The following SLC38A10 variants were observed in gnomAD, a reference collection of about 807,000 sequenced individuals.
The protein encoded by SLC38A10 is Sodium-coupled neutral amino acid transporter 10.
In SLC38A10, 53 loss-of-function variants were observed where a neutral mutation model predicts 81.0. The observed-to-expected ratio is 0.65, with a 90% confidence interval of 0.53 to 0.82. SLC38A10 has a LOEUF of 0.82. Ranked by LOEUF, SLC38A10 falls within the 40% of genes least tolerant of loss-of-function variation. The pLI, the probability that SLC38A10 is intolerant of heterozygous loss-of-function variation, is 0.00. For missense variants in SLC38A10, 1,471 were observed against 1,545.0 expected, an observed-to-expected ratio of 0.95 and a Z score of 0.80; for synonymous variants, 665 against 655.3, an observed-to-expected ratio of 1.01 and a Z score of -0.23.
Position 81,289,142 on chromosome 17 carries a change from G to A in SLC38A10, c.217+549C>T, listed in dbSNP as rs2063290762. On this transcript the variant is annotated intron_variant, in intron 2 of 15. Coordinates refer to ENST00000374759, the MANE Select transcript of SLC38A10 (RefSeq NM_001037984.3). The surrounding 1 kb of genome is among the most constrained non-coding windows in gnomAD (Gnocchi z 5.9). ...TGCAGCCTCCACCTATCGGGTTCAA[G>A]AGATTCTCTGGCCTCAGCCTCCTGA... Among the ~76,000 whole-genome samples, 1 of 152,130 alleles carries A rather than the reference G, an allele frequency of 6.6e-6. No homozygotes were observed. The highest frequency in any genetic ancestry group is 2.4e-5 in the African/African-American group (1 of 41,420).
chr17:81,260,352 C>G lies in SLC38A10; in HGVS notation c.1174G>C (p.Val392Leu). Reference sequence around the variant, plus strand: ...TCCTCGCTCACAGACAGTGTGGTGACAGTGCTCACCACCAGGACGCCCAGG... The same window carrying G: ...TCCTCGCTCACAGACAGTGTGGTGAGAGTGCTCACCACCAGGACGCCCAGG... ...VGLGVLVVST[V>L]TTLSVSEEVP... Residue 392 changes from valine (V) to leucine (L), a missense_variant, in exon 11 of 16, where the codon GTC becomes CTC. Coordinates refer to ENST00000374759, the MANE Select transcript of SLC38A10 (RefSeq NM_001037984.3). 1 of 1,611,072 alleles carries G rather than the reference C, an allele frequency of 6.2e-7. No homozygotes were observed. The highest frequency in any genetic ancestry group is 8.5e-7 in the Non-Finnish European group (1 of 1,179,266).
chr17:81,265,494 A>G lies in SLC38A10; in HGVS notation c.1132-5100T>C. 1 of 152,278 alleles carries G rather than the reference A, an allele frequency of 6.6e-6. No homozygotes were observed. Among genetic ancestry groups the G allele is most frequent in the Non-Finnish European group, 1.5e-5 (1 of 68,064 alleles). 9.4% of individuals were successfully genotyped at this position (152,278 alleles called of 1,614,324 possible). ...TGATCTTCTGAGGACGAGCTGGAAC[A>G]TTCCTTCTTTTTCACGTCTTTCTCC... On this transcript the variant is annotated intron_variant, in intron 10 of 15. Coordinates refer to ENST00000374759, the MANE Select transcript of SLC38A10 (RefSeq NM_001037984.3). This position sits in a 1 kb window ranked among gnomAD's most constrained non-coding sequence, Gnocchi z 4.2.
intron 13 of SLC38A10, chr17:81,251,977 T>C: frequency 1.4e-6 from 1 of 702,140 alleles, no homozygotes; most frequent in East Asian, 2.8e-5. Flanking sequence ...CATTTAGTGG[T>C]CTGGCAAACA....
At position 81,265,778 on chromosome 17, in the gene SLC38A10, T is replaced by G. The variant is rs2063064994; in HGVS notation, c.1131+5140A>C. ...CTTGCGGTGCTGACATCTCCGTACCTAAGGAAACAGGGCATGCTGAGCGGA... is the reference window on the plus strand; with the variant it reads ...CTTGCGGTGCTGACATCTCCGTACCGAAGGAAACAGGGCATGCTGAGCGGA... On this transcript the variant is annotated intron_variant, in intron 10 of 15. Transcript: ENST00000374759. The surrounding 1 kb of genome is among the most constrained non-coding windows in gnomAD (Gnocchi z 4.2). 6.6e-6 allele frequency among the ~76,000 whole-genome samples: 1 copy of G among 152,110 alleles called. No individual in the cohort carries two copies. The highest frequency in any genetic ancestry group is 6.5e-5 in the Admixed American group (1 of 15,284).
At chr17:81,254,131 C>G (rs2062951005) in intron 11 of SLC38A10, among the ~76,000 whole-genome samples, 1 of 152,252 alleles carries the variant, frequency 6.6e-6, no homozygotes, top group Non-Finnish European at 1.5e-5. Context: ...GGCCATATGT[C>G]CACTGAGACA....
intron 1 of SLC38A10, among the ~76,000 whole-genome samples, chr17:81,292,985 T>A (rs1320320753): frequency 6.6e-6 from 1 of 151,382 alleles, no homozygotes; most frequent in African/African-American, 2.4e-5. Flanking sequence ...CTCTACTAAA[T>A]ACAAATAAAT....
In SLC38A10 at chr17:81,270,767, A is replaced by G; in HGVS notation, c.1131+151T>C. On this transcript the variant is annotated intron_variant, in intron 10 of 15. Transcript: ENST00000374759. This position sits in a 1 kb window ranked among gnomAD's most constrained non-coding sequence, Gnocchi z 4.0. ...CGTCCTGGTGAACCCAGGGTTCCCC[A>G]GGCTGACTGGACCAAGTCCCTTTTG... is the stretch of plus-strand genomic sequence containing the variant. The G allele has an allele frequency of 1.6e-6, 1 of 629,792 alleles. No homozygotes were observed. The highest frequency in any genetic ancestry group is 2.8e-6 in the Non-Finnish European group (1 of 363,266). 39.0% of individuals were successfully genotyped at this position (629,792 alleles called of 1,614,324 possible). A position where few individuals can be genotyped will look rare whatever the true frequency, so the allele number is the denominator to read the frequency against.
intron 10 of SLC38A10, chr17:81,263,285 G>A (rs1329146146): frequency 6.6e-6 from 1 of 152,306 alleles, no homozygotes; most frequent in Non-Finnish European, 1.5e-5. Context: ...GACAATTCCA[G>A]ACACGCGGGT....
At chr17:81,251,679 G>T in intron 13 of SLC38A10, 67 bp from the exon 14 acceptor site, 1 of 1,429,276 alleles carries the variant, frequency 7.0e-7, no homozygotes, top group South Asian at 1.6e-5. Context: ...GGGGTTGGGG[G>T]ACAGAAGGCA....
intron 14 of SLC38A10, 108 bp from the exon 15 acceptor site, chr17:81,247,169 G>A: frequency 8.3e-7 from 1 of 1,207,226 alleles, no homozygotes; most frequent in Non-Finnish European, 1.1e-6. Flanking sequence ...CCTGCAGGGA[G>A]TGTGCCCGAA....
At chr17:81,266,025 T>G (rs889194702) in intron 10 of SLC38A10, among the ~76,000 whole-genome samples, 18 of 152,206 alleles carry the variant, frequency 1.2e-4, no homozygotes, top group African/African-American at 4.1e-4. Flanking sequence ...TGTGTGTGTC[T>G]ACACATGTCT....
intron 11 of SLC38A10, among the ~76,000 whole-genome samples, chr17:81,256,557 C>T (rs1292233847): frequency 1.3e-5 from 2 of 152,206 alleles, no homozygotes; most frequent in Admixed American, 1.3e-4. Flanking sequence ...AACACACTCC[C>T]GGCATCCCAC....
chr17:81,283,610 C>CT lies in SLC38A10; in HGVS notation c.264-109dup, dbSNP rs1278041346. The CT allele has an allele frequency of 1.5e-6, 1 of 660,610 alleles. No individual in the cohort carries two copies. The highest frequency in any genetic ancestry group is 2.5e-6 in the Non-Finnish European group (1 of 401,670). The allele number at this position is 660,610 out of a possible 1,614,324, so 40.9% of individuals were successfully genotyped here. A position where few individuals can be genotyped will look rare whatever the true frequency, so the allele number is the denominator to read the frequency against. On this transcript the variant is annotated intron_variant, in intron 3 of 15. Coordinates refer to ENST00000374759, the MANE Select transcript of SLC38A10 (RefSeq NM_001037984.3). The surrounding 1 kb of genome is among the most constrained non-coding windows in gnomAD (Gnocchi z 4.7). ...CTGGGCTGAATGACAGATGTGATTT[C>CT]TTTTTTCTTTTTTTTTTTTTTGAAA...
chr17:81,275,731 C>A (rs78664630), intron 8 of SLC38A10, among the ~76,000 whole-genome samples: 36 of 108,188 alleles, frequency 3.3e-4, no homozygotes, highest in African/African-American at 4.7e-4. Flanking sequence ...AACTCCGTCT[C>A]AAAAAAAAAG....
intron 11 of SLC38A10, among the ~76,000 whole-genome samples, chr17:81,256,685 G>A (rs892662369): frequency 4.6e-5 from 7 of 152,262 alleles, no homozygotes; most frequent in Admixed American, 2.0e-4. Flanking sequence ...TTCAAAGCTA[G>A]TCCCTGCTTT....
At position 81,246,552 on chromosome 17, in the gene SLC38A10, A is replaced by G; in HGVS notation, c.2364T>C (p.Pro788=). 1 of 1,515,082 alleles carries G rather than the reference A, an allele frequency of 6.6e-7. No homozygotes were observed. Among genetic ancestry groups the G allele is most frequent in the Non-Finnish European group, 8.8e-7 (1 of 1,133,466 alleles). The allele number at this position is 1,515,082 out of a possible 1,614,324, so 93.9% of individuals were successfully genotyped here. ...CCTGGGATGGAGCAGGGCGGCCCCC[A>G]GGAGCTCTGAGGACAGGGTCCAAAG... ...PLPLDPVLRA[P]GGRPAPSQDL... is the part of the protein sequence containing the mutation. Residue 788 remains proline, a synonymous_variant, in exon 16 of 16, where the codon CCT becomes CCC. Transcript: ENST00000374759.
intron 8 of SLC38A10, 39 bp from the exon 9 acceptor site, chr17:81,272,666 T>C: frequency 7.1e-7 from 1 of 1,401,630 alleles, no homozygotes; most frequent in Non-Finnish European, 9.6e-7. Flanking sequence ...AAATGACTGA[T>C]TTCCTCCACC....
At chr17:81,264,197 T>G (rs2063049837) in intron 10 of SLC38A10, 1 of 151,822 alleles carries the variant, frequency 6.6e-6, no homozygotes, top group African/African-American at 2.5e-5. Context: ...GGGGGGCCTG[T>G]GGGGAGCACA....
In SLC38A10 at chr17:81,270,910, G is replaced by A. The variant is rs1401517009; in HGVS notation, c.1131+8C>T. On this transcript the variant is annotated splice_region_variant and intron_variant, in intron 10 of 15. Transcript: ENST00000374759. This position sits in a 1 kb window ranked among gnomAD's most constrained non-coding sequence, Gnocchi z 4.0. ...CCTCGTCCAGGCCACCCCACGAGCAGCACGCACCTGGGAGGAAAGTGCGTT... is the reference window on the plus strand; with the variant it reads ...CCTCGTCCAGGCCACCCCACGAGCAACACGCACCTGGGAGGAAAGTGCGTT... 1.9e-6 allele frequency: 3 copies of A among 1,612,434 alleles called. No homozygotes were observed. The African/African-American group carries it at 4.0e-5, about 22-fold the overall frequency.
Sources: gnomAD v4.1 joint callset for allele counts (sites outside exome capture counted in the v4.1 genomes callset) on GRCh38, gnomAD v4.1.1 for gene constraint, Gnocchi (gnomAD v3.1) non-coding constraint, MANE v1.5 for transcripts, NCBI Gene and HGNC (gene_info 2026-07-23, HGNC 2026-07-21) for gene names.